HSCB: variants seen among roughly 807,000 people sequenced by gnomAD.
The protein encoded by HSCB is iron-sulfur cluster co-chaperone protein HscB.
A neutral mutation model predicts 31.3 loss-of-function variants in HSCB; 23 were observed. That is an observed-to-expected ratio of 0.74 (90% CI 0.53 to 1.04). The LOEUF (loss-of-function observed/expected upper bound fraction) is 1.04, where lower values mean the gene tolerates loss of function less well. HSCB is among the 50% of genes least tolerant of loss of function. HSCB has a pLI of 0.00. For synonymous variants in HSCB, 110 were observed against 104.5 expected, an observed-to-expected ratio of 1.05 and a Z score of -0.32; for missense variants, 297 against 288.1, an observed-to-expected ratio of 1.03 and a Z score of -0.22.
chr22:28,756,975 C>G (rs1569190882), intron 5 of HSCB, 103 bp from the exon 6 acceptor site: 4 of 742,900 alleles, frequency 5.4e-6, no homozygotes, highest in Non-Finnish European at 9.9e-6. Context: ...GATGAGCCCT[C>G]CGGACCCCAG....
At chr22:28,744,275 G>GTAA (rs2054645520) in intron 2 of HSCB, among the ~76,000 whole-genome samples, 1 of 152,240 alleles carries the variant, frequency 6.6e-6, no homozygotes, top group African/African-American at 2.4e-5. Context: ...TTGTGGGCCT[G>GTAA]GCACAGTGAC....
intron 4 of HSCB, among the ~76,000 whole-genome samples, chr22:28,748,462 A>G (rs566404051): frequency 6.6e-6 from 1 of 151,178 alleles, no homozygotes; most frequent in African/African-American, 2.4e-5. Context: ...CCATCTAACA[A>G]ATCCCTTCAC....
intron 5 of HSCB, among the ~76,000 whole-genome samples, chr22:28,751,625 AG>A (rs1453740216): frequency 6.6e-6 from 1 of 152,116 alleles, no homozygotes; most frequent in Non-Finnish European, 1.5e-5. Flanking sequence ...CAACGCCTGT[AG>A]TCCCAGCTAC....
chr22:28,751,009 C>T (rs2030206455), intron 4 of HSCB, among the ~76,000 whole-genome samples: 1 of 123,832 alleles, frequency 8.1e-6, no homozygotes, highest in South Asian at 2.9e-4. Flanking sequence ...GGTGATTGCT[C>T]CTTAGACCTT....
intron 4 of HSCB, among the ~76,000 whole-genome samples, chr22:28,746,315 A>C: frequency 6.9e-6 from 1 of 144,306 alleles, no homozygotes; most frequent in East Asian, 2.1e-4. Flanking sequence ...CGAGAGGCAG[A>C]GATTGCAGTA....
chr22:28,744,125 G>C (rs2054643130), intron 2 of HSCB, 147 bp downstream of exon 2: 2 of 695,104 alleles, frequency 2.9e-6, no homozygotes. Context: ...GTCAGACCCA[G>C]AGCTGCCATT....
intron 4 of HSCB, among the ~76,000 whole-genome samples, chr22:28,750,449 C>T (rs2146216867): frequency 6.6e-6 from 1 of 152,126 alleles, no homozygotes; most frequent in Non-Finnish European, 1.5e-5. Flanking sequence ...CCTCCAGGTT[C>T]CTAGTCTGTT....
chr22:28,750,685 C>T (rs2030169386), intron 4 of HSCB, among the ~76,000 whole-genome samples: 1 of 152,164 alleles, frequency 6.6e-6, no homozygotes, highest in South Asian at 2.1e-4. Context: ...AATGAGATTA[C>T]TGGAAAATTC....
chr22:28,751,280 T>A lies in HSCB; in HGVS notation c.608T>A (p.Phe203Tyr). 6.3e-7 allele frequency: 1 copy of A among 1,593,460 alleles called. No individual in the cohort carries two copies. The highest frequency in any genetic ancestry group is 1.1e-5 in the South Asian group (1 of 88,206). Residue 203 changes from phenylalanine to tyrosine, a missense_variant, in exon 5 of 6, where the codon TTT (phenylalanine) becomes TAT (tyrosine). Transcript: ENST00000216027. ...TTTACTGACAATGTGAGCAGTGCTT[T>A]TGAACAAGGTACTTTCTTTTCTTCA... ...KEFTDNVSSA[F>Y]EQDDFEEAKE...
intron 5 of HSCB, among the ~76,000 whole-genome samples, chr22:28,753,637 G>A (rs5752788): frequency 0.23 from 35,001 of 151,040 alleles, 4,348 homozygotes; most frequent in East Asian, 0.41. Context: ...AGGAGATCGA[G>A]ACCATCCTAG....
intron 2 of HSCB, among the ~76,000 whole-genome samples, chr22:28,744,265 T>C (rs999155088): frequency 6.6e-5 from 10 of 152,172 alleles, no homozygotes; most frequent in African/African-American, 2.2e-4. Context: ...TTATAAAACT[T>C]TGTGGGCCTG....
intron 4 of HSCB, among the ~76,000 whole-genome samples, chr22:28,748,511 TGTTG>T (rs2029987662): frequency 6.7e-6 from 1 of 149,584 alleles, no homozygotes; most frequent in African/African-American, 2.5e-5. Context: ...CGTTTTTTTT[TGTTG>T]TTTTGTTTTG....
At chr22:28,743,642 C>G (rs779030349) in intron 1 of HSCB, among the ~76,000 whole-genome samples, 1 of 152,276 alleles carries the variant, frequency 6.6e-6, no homozygotes, top group East Asian at 1.9e-4. Context: ...CTGGACGTCT[C>G]TTTCCTCTGA....
At position 28,745,882 on chromosome 22, in the gene HSCB, G is replaced by A. The variant is rs1450214113; in HGVS notation, c.442G>A (p.Glu148Lys). The stretch of plus-strand genomic sequence containing the variant: ...CCAATAGCTAAAGCTCCATGGAATA[G>A]AGATTCCTGAAAGGACAGATTATGA... ...GLYLLKLHGIEIPERTDYEMD... is the reference protein window; with the variant it reads ...GLYLLKLHGIKIPERTDYEMD... Residue 148 changes from glutamate to lysine, a missense_variant, in exon 4 of 6, where the codon GAG becomes AAG. Transcript: ENST00000216027. The A allele has an allele frequency of 1.1e-5, 17 of 1,612,086 alleles. No homozygotes were observed. The highest frequency in any genetic ancestry group is 1.4e-5 in the Non-Finnish European group (17 of 1,179,294).
intron 1 of HSCB, chr22:28,742,589 T>A: frequency 3.3e-6 from 1 of 302,720 alleles, no homozygotes; most frequent in South Asian, 5.4e-5. Flanking sequence ...TTAGAGGAAA[T>A]AGGGGGGCCG....
At chr22:28,745,683 G>A (rs897919964) in intron 3 of HSCB, 181 bp from the exon 4 acceptor site, 4 of 514,816 alleles carry the variant, frequency 7.8e-6, no homozygotes, top group Non-Finnish European at 1.3e-5. Context: ...GGTAGCATGA[G>A]TGGAAATCCC....
chr22:28,742,413 C>T (rs768434292), intron 1 of HSCB, 82 bp downstream of exon 1: 62 of 1,549,974 alleles, frequency 4.0e-5, no homozygotes, highest in Non-Finnish European at 5.4e-5. Flanking sequence ...ACGGATCTGG[C>T]TGGCGGAAGA....
intron 5 of HSCB, among the ~76,000 whole-genome samples, chr22:28,753,799 C>CT (rs1022390078): frequency 6.6e-6 from 1 of 150,382 alleles, no homozygotes; most frequent in African/African-American, 2.5e-5. Context: ...GACCACCTCA[C>CT]TGCACTTCGG....
At chr22:28,756,175 G>A (rs994350769) in intron 5 of HSCB, among the ~76,000 whole-genome samples, 1 of 151,788 alleles carries the variant, frequency 6.6e-6, no homozygotes, top group Non-Finnish European at 1.5e-5. Flanking sequence ...TTGAACCCGG[G>A]AGGTGGAGGT....
Sources: gnomAD v4.1 joint callset for allele counts (sites outside exome capture counted in the v4.1 genomes callset) on GRCh38, gnomAD v4.1.1 for gene constraint, MANE v1.5 for transcripts, NCBI Gene and HGNC (gene_info 2026-07-23, HGNC 2026-07-21) for gene names.